RTTN: variants seen among roughly 807,000 people sequenced by gnomAD.
RTTN encodes rotatin.
RTTN carries 182 observed loss-of-function variants against 269.2 expected under a neutral mutation model. The ratio of observed to expected loss-of-function variants is 0.68; its 90% CI spans 0.60 to 0.76. RTTN has a LOEUF of 0.76. RTTN is among the 30% of genes least tolerant of loss of function. RTTN has a pLI of 0.00. For missense variants in RTTN, 2,545 were observed against 2,608.6 expected, an observed-to-expected ratio of 0.98 and a Z score of 0.53; for synonymous variants, 1,006 against 963.5, an observed-to-expected ratio of 1.04 and a Z score of -0.82.
At chr18:70,157,218 A>G (rs943769871) in intron 14 of RTTN, among the ~76,000 whole-genome samples, 1 of 152,100 alleles carries the variant, frequency 6.6e-6, no homozygotes, top group Admixed American at 6.5e-5. Context: ...TCACCATCGG[A>G]AAGTTGTTGC....
intron 32 of RTTN, among the ~76,000 whole-genome samples, chr18:70,083,442 A>G (rs1475807781): frequency 1.3e-5 from 2 of 152,174 alleles, no homozygotes; most frequent in African/African-American, 4.8e-5. Flanking sequence ...TTAAAATATA[A>G]AAAATGTAGT....
intron 37 of RTTN, among the ~76,000 whole-genome samples, chr18:70,056,813 C>T (rs1352767479): frequency 6.6e-6 from 1 of 152,170 alleles, no homozygotes; most frequent in Non-Finnish European, 1.5e-5. Context: ...CTTCCTGTCC[C>T]CTGCTTTAGT....
At chr18:70,034,167 C>CA (rs1027374851) in intron 40 of RTTN, among the ~76,000 whole-genome samples, 29 of 151,928 alleles carry the variant, frequency 1.9e-4, no homozygotes, top group African/African-American at 5.6e-4. Context: ...CACTGTTCCC[C>CA]AAAAAAATGA....
chr18:70,067,654 A>T (rs2058179481), intron 34 of RTTN, among the ~76,000 whole-genome samples: 1 of 152,208 alleles, frequency 6.6e-6, no homozygotes, highest in Non-Finnish European at 1.5e-5. Flanking sequence ...GTTGTATAAG[A>T]AAAGTTAAGG....
chr18:70,173,570 T>G (rs983115481), intron 11 of RTTN, among the ~76,000 whole-genome samples: 4 of 151,922 alleles, frequency 2.6e-5, no homozygotes, highest in Non-Finnish European at 4.4e-5. Flanking sequence ...CTGCAAATGT[T>G]TAATAACTAA....
chr18:70,026,938 A>G (rs1464131120), intron 43 of RTTN, among the ~76,000 whole-genome samples: 3 of 152,216 alleles, frequency 2.0e-5, no homozygotes, highest in Non-Finnish European at 2.9e-5. Context: ...ACGTGCAAGC[A>G]TGAATATCGG....
At chr18:70,100,231 T>A (rs1181895996) in intron 28 of RTTN, among the ~76,000 whole-genome samples, 5 of 152,240 alleles carry the variant, frequency 3.3e-5, no homozygotes, top group African/African-American at 1.2e-4. Context: ...GTTCTTCCAT[T>A]TGTTTGTGTC....
chr18:70,074,305 G>T (rs2058373549), intron 33 of RTTN, among the ~76,000 whole-genome samples: 1 of 152,080 alleles, frequency 6.6e-6, no homozygotes, highest in African/African-American at 2.4e-5. Context: ...AGATGCCAAT[G>T]CTGTTAGTTT....
intron 14 of RTTN, among the ~76,000 whole-genome samples, chr18:70,161,289 G>A (rs2060822669): frequency 6.6e-6 from 1 of 152,140 alleles, no homozygotes; most frequent in African/African-American, 2.4e-5. Context: ...TAACTGGTTA[G>A]GCGTATTCAA....
At chr18:70,199,364 T>G in intron 5 of RTTN, 50 bp downstream of exon 5, 4 of 1,252,542 alleles carry the variant, frequency 3.2e-6, no homozygotes, top group Non-Finnish European at 4.7e-6. Flanking sequence ...CTATCAAACT[T>G]AATGACTATA....
intron 25 of RTTN, among the ~76,000 whole-genome samples, chr18:70,127,135 C>G (rs930103710): frequency 6.6e-6 from 1 of 152,108 alleles, no homozygotes; most frequent in Non-Finnish European, 1.5e-5. Flanking sequence ...AAAAGCAAAA[C>G]AAAACAGCCT....
intron 40 of RTTN, among the ~76,000 whole-genome samples, chr18:70,036,688 C>T (rs2057182543): frequency 6.6e-6 from 1 of 152,118 alleles, no homozygotes; most frequent in African/African-American, 2.4e-5. Context: ...GTACCCCGAA[C>T]CTAACAGTTA....
At chr18:70,082,019 G>A (rs2058581870) in intron 32 of RTTN, among the ~76,000 whole-genome samples, 1 of 152,006 alleles carries the variant, frequency 6.6e-6, no homozygotes, top group South Asian at 2.1e-4. Flanking sequence ...TGGGTGAAGA[G>A]TACATAAAAA....
intron 10 of RTTN, among the ~76,000 whole-genome samples, chr18:70,184,734 G>GTA (rs2146045045): frequency 1.0e-5 from 1 of 99,762 alleles, no homozygotes; most frequent in African/African-American, 3.1e-5. Context: ...GTGTGTGTGT[G>GTA]TGTGTGTGTG....
In RTTN at chr18:70,028,713, G is replaced by C. The variant is rs376091363; in HGVS notation, c.5823+11C>G. ...ACTCCTATTAAAATTTTGAAAAGTA[G>C]TTCTACTTACTTTACATTCCTCATT... On this transcript the variant is annotated intron_variant, in intron 43 of 48. Coordinates refer to ENST00000640769, the MANE Select transcript of RTTN (RefSeq NM_173630.4). 2 of 1,571,328 alleles carry C rather than the reference G, an allele frequency of 1.3e-6. No individual in the cohort carries two copies. The highest frequency in any genetic ancestry group is 1.4e-5 in the African/African-American group (1 of 73,882).
At chr18:70,163,478 G>C (rs2060902582) in intron 14 of RTTN, among the ~76,000 whole-genome samples, 1 of 152,038 alleles carries the variant, frequency 6.6e-6, no homozygotes, top group Non-Finnish European at 1.5e-5. Context: ...TACAGTCACT[G>C]TGGAAAACAG....
chr18:70,195,346 A>C (rs2061778443), intron 7 of RTTN, among the ~76,000 whole-genome samples: 1 of 152,206 alleles, frequency 6.6e-6, no homozygotes, highest in South Asian at 2.1e-4. Context: ...TGTTTACCCA[A>C]CCACGTTGTG....
intron 25 of RTTN, among the ~76,000 whole-genome samples, chr18:70,124,405 T>C (rs1027347071): frequency 6.6e-6 from 1 of 152,116 alleles, no homozygotes. Flanking sequence ...TTTAAACAAC[T>C]GTAGAAGTAA....
At chr18:70,019,849 G>A (rs529055037) in intron 45 of RTTN, 4 of 152,208 alleles carry the variant, frequency 2.6e-5, no homozygotes, top group East Asian at 3.9e-4. Context: ...AGGAGTTCAG[G>A]GAGAAGAAAC....
Sources: gnomAD v4.1 joint callset for allele counts (sites outside exome capture counted in the v4.1 genomes callset) on GRCh38, gnomAD v4.1.1 for gene constraint, MANE v1.5 for transcripts, NCBI Gene and HGNC (gene_info 2026-07-23, HGNC 2026-07-21) for gene names.